Variants in CDH12 observed in about 807,000 individuals in gnomAD.
CDH12 encodes the protein cadherin 12, also known as cadherin-12.
A neutral mutation model predicts 74.1 loss-of-function variants in CDH12; 41 were observed. The observed-to-expected ratio is 0.55, with a 90% CI of 0.43 to 0.72. The LOEUF (loss-of-function observed/expected upper bound fraction) is 0.72, where lower values mean the gene tolerates loss of function less well. Among genes scored for constraint, CDH12 ranks in the 30% least tolerant of loss-of-function variants. The probability of loss-of-function intolerance (pLI) is 0.00; values close to 1 mark genes in which losing one functional copy is unlikely to be tolerated. For missense variants in CDH12, 945 were observed against 977.2 expected (o/e 0.97, Z 0.44); for synonymous variants, 399 against 355.0 (o/e 1.12, Z -1.39).
chr5:21,776,094 G>T (rs1054394188), intron 11 of CDH12, among the ~76,000 whole-genome samples: 1 of 152,170 alleles, frequency 6.6e-6, no homozygotes, highest in African/African-American at 2.4e-5. Flanking sequence ...CATCTTGCTG[G>T]CACTTTCTCT....
intron 3 of CDH12, among the ~76,000 whole-genome samples, chr5:22,214,009 A>G (rs1561227333): frequency 6.6e-6 from 1 of 151,876 alleles, no homozygotes; most frequent in African/African-American, 2.4e-5. Context: ...TGATATTTAT[A>G]TATATCTTAG....
intron 4 of CDH12, among the ~76,000 whole-genome samples, chr5:22,095,486 A>T (rs1379913420): frequency 6.6e-6 from 1 of 151,980 alleles, no homozygotes; most frequent in East Asian, 1.9e-4. Flanking sequence ...ATGCGAGAAC[A>T]CCTGCCTTGG....
intron 2 of CDH12, among the ~76,000 whole-genome samples, chr5:22,414,705 C>T (rs528771791): frequency 6.6e-6 from 1 of 151,660 alleles, no homozygotes; most frequent in Non-Finnish European, 1.5e-5. Context: ...AAGCACATTG[C>T]ATATTATTAG....
At chr5:22,244,796 G>GAAAGAA (rs1215180701) in intron 3 of CDH12, among the ~76,000 whole-genome samples, 13 of 108,720 alleles carry the variant, frequency 1.2e-4, no homozygotes, top group Non-Finnish European at 2.8e-4. Flanking sequence ...AAGAAAGAAA[G>GAAAGAA]AAAGAAAAAT....
At chr5:22,830,173 T>C (rs1736525723) in intron 1 of CDH12, among the ~76,000 whole-genome samples, 1 of 152,154 alleles carries the variant, frequency 6.6e-6, no homozygotes, top group South Asian at 2.1e-4. Flanking sequence ...AGGTGAAACA[T>C]GAATTTCCGT....
intron 6 of CDH12, among the ~76,000 whole-genome samples, chr5:21,958,856 G>A (rs1176097032): frequency 6.6e-6 from 1 of 152,162 alleles, no homozygotes; most frequent in Non-Finnish European, 1.5e-5. Context: ...GATAGAAATA[G>A]CATTTAATCT....
intron 1 of CDH12, among the ~76,000 whole-genome samples, chr5:22,672,987 ATC>A (rs1740983784): frequency 6.6e-6 from 1 of 151,806 alleles, no homozygotes; most frequent in Non-Finnish European, 1.5e-5. Flanking sequence ...AATTGCTGTA[ATC>A]TCTATCTTTC....
At chr5:22,027,559 A>T (rs1738454250) in intron 5 of CDH12, among the ~76,000 whole-genome samples, 1 of 152,180 alleles carries the variant, frequency 6.6e-6, no homozygotes, top group Non-Finnish European at 1.5e-5. Flanking sequence ...GTATGAGTCG[A>T]GGAATTTATC....
chr5:22,307,396 A>T (rs1041556635), intron 3 of CDH12, among the ~76,000 whole-genome samples: 1 of 152,194 alleles, frequency 6.6e-6, no homozygotes, highest in East Asian at 1.9e-4. Context: ...GATGCCTTCA[A>T]CCTTACATAA....
chr5:22,659,467 G>T (rs911420164), intron 1 of CDH12, among the ~76,000 whole-genome samples: 19 of 151,888 alleles, frequency 1.3e-4, no homozygotes, highest in African/African-American at 4.6e-4. Flanking sequence ...GTTAGATTTG[G>T]TATCTATTTG....
At chr5:22,622,711 G>A (rs530992224) in intron 1 of CDH12, among the ~76,000 whole-genome samples, 112 of 152,248 alleles carry the variant, frequency 7.4e-4, no homozygotes, top group African/African-American at 2.5e-3. Context: ...TCCAGGACCA[G>A]ATGGATTCAC....
chr5:21,964,166 A>G (rs1369332924), intron 6 of CDH12, among the ~76,000 whole-genome samples: 1 of 152,104 alleles, frequency 6.6e-6, no homozygotes, highest in Non-Finnish European at 1.5e-5. Context: ...AATAAGAATG[A>G]GGATAGAGAA....
chr5:22,451,867 A>G (rs1745056978), intron 2 of CDH12, among the ~76,000 whole-genome samples: 1 of 151,900 alleles, frequency 6.6e-6, no homozygotes, highest in Non-Finnish European at 1.5e-5. Flanking sequence ...AATTGTTATG[A>G]CTTTGGTAAA....
rs146394926 is a variant in CDH12 at position 22,632,652 on chromosome 5, G to C, written c.-522-127288C>G. Among the ~76,000 whole-genome samples the C allele has an allele frequency of 2.9e-3, 436 of 152,112 alleles. 3 individuals are homozygous for C. The highest frequency in any genetic ancestry group is 1.0e-2 in the African/African-American group (414 of 41,520). ...ATGCAGAAAGAAAAATAACTGTAAA[G>C]GTGAACAGCACCTCAGAGATTTGTA... On this transcript the variant is annotated intron_variant, in intron 1 of 14. Coordinates refer to ENST00000382254, the MANE Select transcript of CDH12 (RefSeq NM_004061.5).
At chr5:21,814,485 C>T (rs1747934421) in intron 9 of CDH12, among the ~76,000 whole-genome samples, 1 of 151,460 alleles carries the variant, frequency 6.6e-6, no homozygotes, top group South Asian at 2.1e-4. Context: ...TAAACCACGC[C>T]TTTTTCAACT....
chr5:21,984,997 A>G (rs1757454956), intron 5 of CDH12, among the ~76,000 whole-genome samples: 1 of 152,026 alleles, frequency 6.6e-6, no homozygotes, highest in African/African-American at 2.4e-5. Context: ...GCCTGTTATC[A>G]CTTAATAATG....
At chr5:21,856,560 A>T (rs948460018) in intron 6 of CDH12, among the ~76,000 whole-genome samples, 1 of 151,834 alleles carries the variant, frequency 6.6e-6, no homozygotes, top group Non-Finnish European at 1.5e-5. Flanking sequence ...ACCGTATTGC[A>T]ATTTATAGTC....
At chr5:22,021,073 G>A (rs946059504) in intron 5 of CDH12, among the ~76,000 whole-genome samples, 2 of 152,088 alleles carry the variant, frequency 1.3e-5, no homozygotes, top group Non-Finnish European at 2.9e-5. Flanking sequence ...TTGTCAAATT[G>A]GGGATATTTG....
At chr5:22,489,273 G>A (rs2126637535) in intron 2 of CDH12, among the ~76,000 whole-genome samples, 1 of 151,506 alleles carries the variant, frequency 6.6e-6, no homozygotes, top group Non-Finnish European at 1.5e-5. Context: ...TAGCCAGGAT[G>A]GTCTCAATCT....
Sources: allele counts gnomAD v4.1 joint callset (sites outside exome capture counted in the v4.1 genomes callset), GRCh38; gene constraint gnomAD v4.1.1; transcripts MANE v1.5; gene names NCBI Gene and HGNC (gene_info 2026-07-23, HGNC 2026-07-21).